Variants in THEM5 observed in about 807,000 individuals in gnomAD.
The protein encoded by THEM5 is acyl-coenzyme A thioesterase THEM5.
Under a neutral mutation model 24.2 loss-of-function variants are expected in THEM5, and 28 were observed. The observed-to-expected ratio is 1.16, with a 90% CI of 0.86 to 1.59. THEM5 has a LOEUF of 1.59. THEM5 is among the 40% of genes most tolerant of loss of function. The pLI is 0.00. For missense variants in THEM5, 260 were observed against 296.8 expected (o/e 0.88, Z 0.91); for synonymous variants, 87 against 114.5 (o/e 0.76, Z 1.53).
In THEM5 at chr1:151,853,589, T is replaced by A; in HGVS notation, c.-24A>T. 6.2e-7 allele frequency: 1 copy of A among 1,600,546 alleles called. No individual in the cohort carries two copies. The highest frequency in any genetic ancestry group is 2.2e-5 in the East Asian group (1 of 44,526). On this transcript the variant is annotated 5_prime_UTR_variant, in exon 1 of 6. Transcript: ENST00000368817. ...ATGGCCAAGTGCAAGGATCCAGCCC[T>A]GCTTGGATGGAGGGTCTTGGCTGAC...
At position 151,853,479 on chromosome 1, in the gene THEM5, G is replaced by A. The variant is rs1480664343; in HGVS notation, c.87C>T (p.Asn29=). 1 of 1,613,966 alleles carries A rather than the reference G, an allele frequency of 6.2e-7. No homozygotes were observed. Among genetic ancestry groups the A allele is most frequent in the Admixed American group, 1.7e-5 (1 of 59,996 alleles). The part of the protein sequence containing the change: ...LEAPRILPRL[N]PASAFGSSTD... The stretch of plus-strand genomic sequence containing the variant: ...TGGAGGATCCAAATGCTGAGGCAGG[G>A]TTGAGTCTGGGCAGGATACGGGGGG... Residue 29 remains asparagine, a synonymous_variant, in exon 1 of 6, where the codon AAC becomes AAT. Coordinates refer to ENST00000368817, the MANE Select transcript of THEM5 (RefSeq NM_182578.4).
At position 151,852,506 on chromosome 1, in the gene THEM5, C is replaced by T. The variant is rs1261584598; in HGVS notation, c.124-47G>A. On this transcript the variant is annotated intron_variant, in intron 1 of 5. Transcript: ENST00000368817. ...GACTAGACAGCATCCTGGAGGGGGG[C>T]TGCTGCCTGGGCTCGGGACCTCTAA... 5.0e-6 allele frequency: 8 copies of T among 1,598,164 alleles called. No individual in the cohort carries two copies. In the South Asian group the frequency reaches 7.7e-5, roughly 15 times the overall value.
At chr1:151,850,341 C>G (rs1653072881) in intron 3 of THEM5, 1 of 152,314 alleles carries the variant, frequency 6.6e-6, no homozygotes, top group South Asian at 2.1e-4. Flanking sequence ...CCTGATTTCC[C>G]TTGTGGACAC....
Position 151,851,185 on chromosome 1 carries a change from C to A in THEM5, c.332G>T (p.Gly111Val). The change falls in exon 3 of 6, where the codon GGT becomes GTT. Residue 111 changes from glycine to valine, a missense_variant. By Grantham distance (109) the Gly-to-Val change is moderately radical. Transcript: ENST00000368817. Reference sequence around the variant, plus strand: ...GCACCTGGTGAAGATGCGACAGTCACCTTTGTCTGGGGAGAGATAGGCAGT... The same window carrying A: ...GCACCTGGTGAAGATGCGACAGTCAACTTTGTCTGGGGAGAGATAGGCAGT... ...PSGLAVSSDK[G>V]DCRIFTRCIQ... The A allele has an allele frequency of 6.2e-7, 1 of 1,614,178 alleles. No individual in the cohort carries two copies. The highest frequency in any genetic ancestry group is 1.7e-5 in the Admixed American group (1 of 60,016).
Position 151,850,919 on chromosome 1 carries a change from GAAGCCT to G in THEM5, c.464+128_464+133del, listed in dbSNP as rs1653096990. ...CTTCCAGGCCTGGTATTGTGAGGCTGAAGCCTAGTGCCCCACACTCCCTTCCTCACC... is the reference window on the plus strand; with the variant it reads ...CTTCCAGGCCTGGTATTGTGAGGCTGAGTGCCCCACACTCCCTTCCTCACC... On this transcript the variant is annotated intron_variant, in intron 3 of 5. Transcript: ENST00000368817. 4 of 1,153,618 alleles carry G rather than the reference GAAGCCT, an allele frequency of 3.5e-6. No homozygotes were observed. In the East Asian group the frequency reaches 1.0e-4, roughly 30 times the overall value. 71.5% of individuals were successfully genotyped at this position (1,153,618 alleles called of 1,614,324 possible).
At chr1:151,847,636 C>A in intron 5 of THEM5, 102 bp downstream of exon 5, 1 of 1,515,962 alleles carries the variant, frequency 6.6e-7, no homozygotes, top group South Asian at 1.1e-5. Context: ...GAAGCTGGAC[C>A]GCAGCTTGGG....
At chr1:151,851,719 C>T (rs1175743140) in intron 2 of THEM5, among the ~76,000 whole-genome samples, 1 of 152,046 alleles carries the variant, frequency 6.6e-6, no homozygotes, top group East Asian at 1.9e-4. Flanking sequence ...GGCAGGAAGA[C>T]AACATATATG....
chr1:151,847,601 G>C (rs1652972719), intron 5 of THEM5, 137 bp downstream of exon 5: 2 of 1,365,916 alleles, frequency 1.5e-6, no homozygotes, highest in Admixed American at 3.8e-5. Flanking sequence ...TGTGTCCCTA[G>C]TAGGTGCCCT....
At position 151,847,727 on chromosome 1, in the gene THEM5, G is replaced by C. The variant is rs772284050; in HGVS notation, c.700+11C>G. On this transcript the variant is annotated intron_variant, in intron 5 of 5. Coordinates refer to ENST00000368817, the MANE Select transcript of THEM5 (RefSeq NM_182578.4). Reference sequence around the variant, plus strand: ...GGACGGGGCCTGGGGCTGGGCTGGGGGCTCCTTTACCTGAGGACTTGGCAT... The same window carrying C: ...GGACGGGGCCTGGGGCTGGGCTGGGCGCTCCTTTACCTGAGGACTTGGCAT... The C allele has an allele frequency of 1.9e-6, 3 of 1,612,810 alleles. No homozygotes were observed. In the Admixed American group the frequency reaches 5.0e-5, roughly 27 times the overall value.
At chr1:151,851,342 C>G in intron 2 of THEM5, 151 bp from the exon 3 acceptor site, 6 of 961,678 alleles carry the variant, frequency 6.2e-6, no homozygotes, top group Non-Finnish European at 7.9e-6. Flanking sequence ...CCTCTGGGAG[C>G]AGAGGCACAG....
chr1:151,851,930 G>A (rs1011671269), intron 2 of THEM5, among the ~76,000 whole-genome samples: 8 of 152,160 alleles, frequency 5.3e-5, no homozygotes, highest in African/African-American at 9.7e-5. Flanking sequence ...GGGTTGGGGC[G>A]GAAGGCTTGG....
At chr1:151,849,378 A>C (rs116408212) in intron 3 of THEM5, among the ~76,000 whole-genome samples, 4,382 of 152,318 alleles carry the variant, frequency 0.029, 81 homozygotes, top group South Asian at 0.042. Flanking sequence ...AGCACAGCCC[A>C]TTCTCCACAG....
chr1:151,847,484 G>A (rs1347541503), intron 5 of THEM5, 70 bp from the exon 6 acceptor site: 12 of 1,594,604 alleles, frequency 7.5e-6, no homozygotes, highest in Admixed American at 5.0e-5. Flanking sequence ...GACACTCTGA[G>A]CATTTGGCTG....
chr1:151,849,396 T>C (rs1438671816), intron 3 of THEM5, among the ~76,000 whole-genome samples: 2 of 152,158 alleles, frequency 1.3e-5, no homozygotes, highest in Non-Finnish European at 2.9e-5. Flanking sequence ...CAGAGCCAGA[T>C]CAGCTGTCCA....
At position 151,847,362 on chromosome 1, in the gene THEM5, C is replaced by T. The variant is rs1380301104; in HGVS notation, c.*9G>A. The T allele has an allele frequency of 1.2e-6, 2 of 1,613,502 alleles. No individual in the cohort carries two copies. Among genetic ancestry groups the T allele is most frequent in the Non-Finnish European group, 1.7e-6 (2 of 1,179,856 alleles). ...GGAGGCAGTGGCTCTCCTGCAGGCA[C>T]AGTGACTGTTACTGGGGAGACTCTT... On this transcript the variant is annotated 3_prime_UTR_variant, in exon 6 of 6. Coordinates refer to ENST00000368817, the MANE Select transcript of THEM5 (RefSeq NM_182578.4).
At position 151,852,423 on chromosome 1, in the gene THEM5, C is replaced by T; in HGVS notation, c.160G>A (p.Asp54Asn). Residue 54 changes from aspartate (D) to asparagine (N), a missense_variant, in exon 2 of 6, where the codon GAT becomes AAT. Asp to Asn is a conservative substitution (Grantham distance 23, BLOSUM62 1). Coordinates refer to ENST00000368817, the MANE Select transcript of THEM5 (RefSeq NM_182578.4). ...RFLPEKTDLK[D>N]YALPNASWCS... ...CAGCTGGCATTGGGAAGAGCATAAT[C>T]CTTCAAGTCTGTCTTCTCTGGCAAG... The T allele has an allele frequency of 6.2e-7, 1 of 1,614,168 alleles. No homozygotes were observed. The highest frequency in any genetic ancestry group is 8.5e-7 in the Non-Finnish European group (1 of 1,180,046).
At chr1:151,847,706 G>C (rs189491555) in intron 5 of THEM5, 32 bp downstream of exon 5, 1 of 1,611,266 alleles carries the variant, frequency 6.2e-7, no homozygotes, top group East Asian at 2.2e-5. Context: ...GTGGTGGGAC[G>C]GGGCCTGGGG....
intron 2 of THEM5, among the ~76,000 whole-genome samples, chr1:151,851,770 G>C (rs1653134697): frequency 6.6e-6 from 1 of 152,140 alleles, no homozygotes; most frequent in Non-Finnish European, 1.5e-5. Flanking sequence ...GCACACACGA[G>C]TGCACACACA....
At position 151,851,276 on chromosome 1, in the gene THEM5, T is replaced by C. The variant is rs538657276; in HGVS notation, c.326-85A>G. On this transcript the variant is annotated intron_variant, in intron 2 of 5. Transcript: ENST00000368817. Reference sequence around the variant, plus strand: ...CCATTTGGTTGAGTCTTGCCTCTGGTACAAGATTAAGGAGAGAAAACCAGA... The same window carrying C: ...CCATTTGGTTGAGTCTTGCCTCTGGCACAAGATTAAGGAGAGAAAACCAGA... 8.9e-6 allele frequency: 14 copies of C among 1,568,870 alleles called. No individual in the cohort carries two copies. The Admixed American group carries it at 1.0e-4, about 11-fold the overall frequency.
Sources: allele counts gnomAD v4.1 joint callset (sites outside exome capture counted in the v4.1 genomes callset), GRCh38; gene constraint gnomAD v4.1.1; transcripts MANE v1.5; gene names NCBI Gene and HGNC (gene_info 2026-07-23, HGNC 2026-07-21).